Variants in NR3C1 observed in about 807,000 individuals in gnomAD.
NR3C1 encodes the protein glucocorticoid receptor.
NR3C1 carries 14 observed loss-of-function variants against 74.0 expected under a neutral mutation model. The observed-to-expected ratio is 0.19, with a 90% CI of 0.12 to 0.30. The LOEUF (loss-of-function observed/expected upper bound fraction) is 0.30, where lower values mean the gene tolerates loss of function less well. Among genes scored for constraint, NR3C1 ranks in the 10% least tolerant of loss-of-function variants. The pLI is 1.00. For missense variants in NR3C1, 695 were observed against 909.8 expected, an observed-to-expected ratio of 0.76 and a Z score of 3.04; for synonymous variants, 308 against 332.5, an observed-to-expected ratio of 0.93 and a Z score of 0.80.
Position 143,300,885 on chromosome 5 carries a change from G to A in NR3C1, c.1469-122C>T. The A allele has an allele frequency of 9.4e-7, 1 of 1,066,150 alleles. No individual in the cohort carries two copies. The highest frequency in any genetic ancestry group is 1.3e-6 in the Non-Finnish European group (1 of 758,492). The allele number at this position is 1,066,150 out of a possible 1,614,324, so 66.0% of individuals were successfully genotyped here. A position where few individuals can be genotyped will look rare whatever the true frequency, so the allele number is the denominator to read the frequency against. ...TAAGATGGGAGAAATATTTTATTTA[G>A]CAATTATGATAAAGTGACATGGAAA... On this transcript the variant is annotated intron_variant, in intron 4 of 8. Transcript: ENST00000394464. This position sits in a 1 kb window ranked among gnomAD's most constrained non-coding sequence, Gnocchi z 5.2.
intron 1 of NR3C1, among the ~76,000 whole-genome samples, chr5:143,418,032 A>G (rs1430241727): frequency 6.6e-6 from 1 of 152,198 alleles, no homozygotes; most frequent in East Asian, 1.9e-4. Flanking sequence ...TACTACAGCC[A>G]AAAGAAACAG....
chr5:143,283,295 A>G (rs1384067724), intron 7 of NR3C1, among the ~76,000 whole-genome samples: 3 of 152,242 alleles, frequency 2.0e-5, no homozygotes, highest in Non-Finnish European at 4.4e-5. Flanking sequence ...CAGCCAAGAG[A>G]AAATGCAGGA....
At chr5:143,294,468 T>C (rs1289249340) in intron 7 of NR3C1, 1 of 266,476 alleles carries the variant, frequency 3.8e-6, no homozygotes. Flanking sequence ...CAGAGATTTT[T>C]CATATACCTC....
intron 2 of NR3C1, among the ~76,000 whole-genome samples, chr5:143,351,122 C>A (rs1301807456): frequency 2.0e-5 from 3 of 152,186 alleles, no homozygotes; most frequent in Non-Finnish European, 2.9e-5. Context: ...AGTAATGACT[C>A]ATATAACTGC....
intron 2 of NR3C1, among the ~76,000 whole-genome samples, chr5:143,336,610 A>G (rs980681726): frequency 1.3e-5 from 2 of 152,208 alleles, no homozygotes; most frequent in Non-Finnish European, 2.9e-5. Context: ...TTTTATAGAA[A>G]TGGTAGGTCA....
intron 2 of NR3C1, among the ~76,000 whole-genome samples, chr5:143,375,111 C>T (rs781226930): frequency 8.5e-5 from 13 of 152,126 alleles, no homozygotes; most frequent in Non-Finnish European, 1.5e-4. Context: ...CTCACTCTTT[C>T]GGCTGAGAAA....
At chr5:143,311,719 C>T (rs1458977212) in intron 3 of NR3C1, among the ~76,000 whole-genome samples, 1 of 150,700 alleles carries the variant, frequency 6.6e-6, no homozygotes, top group Admixed American at 6.6e-5. Context: ...TGTCATAGCT[C>T]TTTGCAGCCT....
At chr5:143,324,253 C>T (rs556516924) in intron 2 of NR3C1, among the ~76,000 whole-genome samples, 5 of 152,366 alleles carry the variant, frequency 3.3e-5, no homozygotes, top group Non-Finnish European at 5.9e-5. Flanking sequence ...AATACTTCTG[C>T]CTGGGCATCT....
chr5:143,318,628 T>C (rs1822677240), intron 2 of NR3C1, among the ~76,000 whole-genome samples: 1 of 152,186 alleles, frequency 6.6e-6, no homozygotes, highest in Non-Finnish European at 1.5e-5. Context: ...TTTAAGTTGT[T>C]TTCCTTAAAG....
intron 2 of NR3C1, among the ~76,000 whole-genome samples, chr5:143,397,174 T>A (rs1032389968): frequency 2.0e-5 from 3 of 151,878 alleles, no homozygotes; most frequent in African/African-American, 7.2e-5. Flanking sequence ...AGTGAGGATT[T>A]TTTTTTAAGT....
intron 2 of NR3C1, among the ~76,000 whole-genome samples, chr5:143,330,088 CTAAG>C (rs1195975301): frequency 6.6e-6 from 1 of 152,102 alleles, no homozygotes; most frequent in African/African-American, 2.4e-5. Context: ...TTTTCACAGT[CTAAG>C]TAAGTATAGG....
chr5:143,379,598 C>G (rs1289024512), intron 2 of NR3C1, among the ~76,000 whole-genome samples: 3 of 152,348 alleles, frequency 2.0e-5, no homozygotes, highest in East Asian at 3.9e-4. Context: ...GTAATTGCAG[C>G]TCCTCCACCC....
chr5:143,422,197 T>C (rs1751272172), intron 1 of NR3C1, among the ~76,000 whole-genome samples: 1 of 152,194 alleles, frequency 6.6e-6, no homozygotes, highest in Non-Finnish European at 1.5e-5. Context: ...AGCATTGATT[T>C]TCATCTGAGT....
chr5:143,399,461 GA>G (rs1480423877), intron 2 of NR3C1, among the ~76,000 whole-genome samples, 194 bp downstream of exon 2: 2 of 152,032 alleles, frequency 1.3e-5, no homozygotes, highest in Non-Finnish European at 2.9e-5. Context: ...ACTATTTAAG[GA>G]AAAAACCTGA....
At chr5:143,361,738 T>C (rs1600264148) in intron 2 of NR3C1, among the ~76,000 whole-genome samples, 1 of 152,334 alleles carries the variant, frequency 6.6e-6, no homozygotes, top group South Asian at 2.1e-4. Flanking sequence ...GAATAACAGT[T>C]TGATGGAGGG....
chr5:143,367,846 C>A (rs1163860083), intron 2 of NR3C1, among the ~76,000 whole-genome samples: 1 of 152,182 alleles, frequency 6.6e-6, no homozygotes, highest in Non-Finnish European at 1.5e-5. Context: ...TCAATGCAAT[C>A]CCTATCTGAA....
intron 7 of NR3C1, among the ~76,000 whole-genome samples, chr5:143,292,944 T>C (rs1432419227): frequency 1.3e-5 from 2 of 152,216 alleles, no homozygotes; most frequent in Non-Finnish European, 2.9e-5. Context: ...TATAGCTTTG[T>C]TGCCATTTTC....
In NR3C1 at chr5:143,282,030, A is replaced by C. The variant is rs1364678058; in HGVS notation, c.2193T>G (p.Asn731Lys). 1.2e-6 allele frequency: 2 copies of C among 1,613,384 alleles called. No homozygotes were observed. Among genetic ancestry groups the C allele is most frequent in the South Asian group, 1.1e-5 (1 of 91,068 alleles). ...ATGTTTGGAAGCAATAGTTAAGGAG[A>C]TTTTCAACCACCTGCAAGAGAAGAT... Reference protein sequence around the residue: ...LLDSMHEVVENLLNYCFQTFL... With the variant: ...LLDSMHEVVEKLLNYCFQTFL... The change falls in exon 9 of 9, where the codon AAT (asparagine) becomes AAG (lysine). Residue 731 changes from asparagine (N) to lysine (K), a missense_variant. This residue lies in a region of NR3C1 where 133 missense variants were observed against 287.9 expected (regional missense o/e 0.46). Coordinates refer to ENST00000394464, the MANE Select transcript of NR3C1 (RefSeq NM_000176.3).
chr5:143,368,129 T>C (rs1382399626), intron 2 of NR3C1, among the ~76,000 whole-genome samples: 1 of 152,162 alleles, frequency 6.6e-6, no homozygotes, highest in Non-Finnish European at 1.5e-5. Flanking sequence ...ATCAAGACCA[T>C]TCAATGGGGA....
Sources: gnomAD v4.1 joint callset for allele counts (sites outside exome capture counted in the v4.1 genomes callset) on GRCh38, gnomAD v4.1.1 for gene constraint, gnomAD v4.1.1 regional missense constraint, Gnocchi (gnomAD v3.1) non-coding constraint, MANE v1.5 for transcripts, NCBI Gene and HGNC (gene_info 2026-07-23, HGNC 2026-07-21) for gene names.